Variants in ABCC11 observed in about 807,000 individuals in gnomAD.
ABCC11 encodes ATP binding cassette subfamily C member 11.
In ABCC11, 135 loss-of-function variants were observed where a neutral mutation model predicts 149.3. The ratio of observed to expected loss-of-function variants is 0.90; its 90% CI spans 0.79 to 1.04. The LOEUF (loss-of-function observed/expected upper bound fraction) is 1.04. Among genes scored for constraint, ABCC11 ranks in the 50% least tolerant of loss-of-function variants. The pLI is 0.00. For missense variants in ABCC11, 1,680 were observed against 1,722.1 expected, an observed-to-expected ratio of 0.98 and a Z score of 0.43; for synonymous variants, 665 against 671.4, an observed-to-expected ratio of 0.99 and a Z score of 0.15.
chr16:48,170,245 T>C (rs1567470835), intron 27 of ABCC11, 27 bp from the exon 28 acceptor site: 4 of 1,587,728 alleles, frequency 2.5e-6, no homozygotes, highest in South Asian at 1.1e-5. Context: ...AGAGACAACA[T>C]AACCTGGAAG....
intron 18 of ABCC11, among the ~76,000 whole-genome samples, chr16:48,195,415 G>C (rs1233858024): frequency 6.6e-6 from 1 of 152,214 alleles, no homozygotes; most frequent in Non-Finnish European, 1.5e-5. Flanking sequence ...GGACGGGGTG[G>C]GGACGGCGTT....
intron 4 of ABCC11, among the ~76,000 whole-genome samples, chr16:48,226,849 T>C (rs1970105442): frequency 1.3e-5 from 2 of 152,224 alleles, no homozygotes; most frequent in African/African-American, 2.4e-5. Flanking sequence ...CAAACTCCTC[T>C]GACTACTGAA....
intron 15 of ABCC11, among the ~76,000 whole-genome samples, chr16:48,198,906 G>A (rs774279145): frequency 9.9e-5 from 15 of 151,864 alleles, no homozygotes; most frequent in East Asian, 5.8e-4. Context: ...GTGTGGTGGC[G>A]TGTGCCTGTA....
chr16:48,170,985 G>A lies in ABCC11; in HGVS notation c.3699-18C>T. 1 of 1,590,970 alleles carries A rather than the reference G, an allele frequency of 6.3e-7. No homozygotes were observed. On this transcript the variant is annotated intron_variant, in intron 26 of 29. Coordinates refer to ENST00000356608, the MANE Select transcript of ABCC11 (RefSeq NM_001370497.1). ...GGTTGAATCTACCATATGAGAGAAA[G>A]AGAAGTGTTCAACAACATCACCCAG...
At chr16:48,210,830 G>C (rs756447507) in intron 11 of ABCC11, 118 bp downstream of exon 11, 7 of 1,352,598 alleles carry the variant, frequency 5.2e-6, no homozygotes, top group Non-Finnish European at 7.0e-6. Flanking sequence ...TTTAAGGGGA[G>C]AGATCTTGGA....
chr16:48,215,422 A>C (rs967938303), intron 7 of ABCC11, 78 bp from the exon 8 acceptor site: 17 of 1,502,718 alleles, frequency 1.1e-5, no homozygotes, highest in Admixed American at 9.2e-5. Context: ...TCAGCCTGGC[A>C]TAAGTAGGGC....
chr16:48,245,119 C>T (rs1971288470), intron 1 of ABCC11, among the ~76,000 whole-genome samples: 2 of 152,154 alleles, frequency 1.3e-5, no homozygotes, highest in South Asian at 4.1e-4. Context: ...TGTTTCATTC[C>T]TAAACTGCAC....
chr16:48,198,117 T>G, intron 16 of ABCC11, 24 bp downstream of exon 16: 3 of 1,614,174 alleles, frequency 1.9e-6, no homozygotes, highest in Non-Finnish European at 2.5e-6. Flanking sequence ...CCGTGGGTAG[T>G]GAGGGCAGTG....
chr16:48,222,814 C>G lies in ABCC11; in HGVS notation c.561G>C (p.Lys187Asn). The G allele has an allele frequency of 6.2e-7, 1 of 1,613,460 alleles. No homozygotes were observed. The highest frequency in any genetic ancestry group is 8.5e-7 in the Non-Finnish European group (1 of 1,179,382). Reference sequence around the variant, plus strand: ...ACTGCTCTTCTGAATATTCCAGGATCTTTGGTATAATCAATATCTACAAGG... The same window carrying G: ...ACTGCTCTTCTGAATATTCCAGGATGTTTGGTATAATCAATATCTACAAGG... The part of the protein sequence containing the change: ...SVLGPILIIP[K>N]ILEYSEEQLG... The change falls in exon 6 of 30, where the codon AAG becomes AAC. Residue 187 changes from lysine to asparagine, a missense_variant. Lys to Asn is a moderately conservative substitution (Grantham distance 94). Transcript: ENST00000356608.
rs142228075 is a variant in ABCC11 at position 48,173,876 on chromosome 16, T to C, written c.3698+1382A>G. On this transcript the variant is annotated intron_variant, in intron 26 of 29. Transcript: ENST00000356608. Reference sequence around the variant, plus strand: ...CTGGCCTCAAGTGATCTCCCTGCCTTGGCCTCCCAAAGTGCTGGGATTACA... The same window carrying C: ...CTGGCCTCAAGTGATCTCCCTGCCTCGGCCTCCCAAAGTGCTGGGATTACA... Among the ~76,000 whole-genome samples the C allele has an allele frequency of 2.0e-3, 301 of 152,288 alleles. 1 individual carries two copies. Among genetic ancestry groups the C allele is most frequent in the Admixed American group, 4.0e-3 (61 of 15,294 alleles).
At chr16:48,202,804 G>T (rs1438141110) in intron 14 of ABCC11, among the ~76,000 whole-genome samples, 3 of 152,124 alleles carry the variant, frequency 2.0e-5, no homozygotes, top group African/African-American at 7.2e-5. Flanking sequence ...TTTATCTCGG[G>T]TGAGGGTCGT....
chr16:48,244,193 G>A (rs976533805), intron 1 of ABCC11: 81 of 503,396 alleles, frequency 1.6e-4, no homozygotes, highest in Middle Eastern at 4.6e-4. Flanking sequence ...GCATAGGTAG[G>A]ACGCTCAAGT....
At chr16:48,227,033 G>A (rs567136599) in intron 4 of ABCC11, among the ~76,000 whole-genome samples, 1 of 152,304 alleles carries the variant, frequency 6.6e-6, no homozygotes, top group East Asian at 1.9e-4. Flanking sequence ...CGTGTGTGGT[G>A]GGTGGTACAA....
chr16:48,208,560 T>C, intron 11 of ABCC11, 64 bp from the exon 12 acceptor site: 1 of 1,578,430 alleles, frequency 6.3e-7, no homozygotes, highest in Non-Finnish European at 8.7e-7. Context: ...CACCTGCCCA[T>C]GGCGGCTCAA....
chr16:48,178,283 G>A (rs1425444039), intron 24 of ABCC11, among the ~76,000 whole-genome samples: 1 of 152,200 alleles, frequency 6.6e-6, no homozygotes, highest in African/African-American at 2.4e-5. Context: ...ATAAATGGAA[G>A]CAATAATAGG....
At chr16:48,238,803 G>A (rs1483177493) in intron 1 of ABCC11, among the ~76,000 whole-genome samples, 1 of 151,682 alleles carries the variant, frequency 6.6e-6, no homozygotes. Flanking sequence ...CAGGCTTGGT[G>A]GTGGGAACCT....
intron 1 of ABCC11, chr16:48,235,045 A>G (rs912557515): frequency 1.3e-5 from 2 of 152,214 alleles, no homozygotes; most frequent in Non-Finnish European, 2.9e-5. Flanking sequence ...CAAAACATTT[A>G]TTTTTCCCTC....
intron 6 of ABCC11, among the ~76,000 whole-genome samples, chr16:48,222,077 G>C (rs1228260764): frequency 2.8e-5 from 4 of 144,044 alleles, no homozygotes; most frequent in African/African-American, 1.1e-4. Context: ...ACCAAGCCCA[G>C]CTAATTTTTT....
intron 18 of ABCC11, 82 bp downstream of exon 18, chr16:48,196,150 G>T: frequency 7.1e-7 from 1 of 1,415,998 alleles, no homozygotes; most frequent in South Asian, 1.2e-5. Flanking sequence ...TACTTCACAT[G>T]ACCTCACGTG....
Sources: gnomAD v4.1 joint callset for allele counts (sites outside exome capture counted in the v4.1 genomes callset) on GRCh38, gnomAD v4.1.1 for gene constraint, MANE v1.5 for transcripts, NCBI Gene and HGNC (gene_info 2026-07-23, HGNC 2026-07-21) for gene names.